ERC2: variants seen among roughly 807,000 people sequenced by gnomAD.
The protein encoded by ERC2 is ELKS/RAB6-interacting/CAST family member 2, also known as ERC protein 2.
A neutral mutation model predicts 114.8 loss-of-function variants in ERC2; 42 were observed. The ratio of observed to expected loss-of-function variants is 0.37; its 90% CI spans 0.29 to 0.47. The LOEUF is 0.47. Among genes scored for constraint, ERC2 ranks in the 20% least tolerant of loss-of-function variants. The probability of loss-of-function intolerance (pLI) is 0.99; values close to 1 mark genes in which losing one functional copy is unlikely to be tolerated. For missense variants in ERC2, 939 were observed against 1,150.7 expected (o/e 0.82, Z 2.66); for synonymous variants, 454 against 425.5 (o/e 1.07, Z -0.82).
In ERC2 at chr3:55,840,180, A is replaced by C. The variant is rs967315564; in HGVS notation, c.2564+48209T>G. 3.3e-5 allele frequency among the ~76,000 whole-genome samples: 5 copies of C among 152,144 alleles called. 1 individual carries two copies. The highest frequency in any genetic ancestry group is 2.1e-4 in the South Asian group (1 of 4,818). ...TATGCTCCTATTAAAAGAGCTTCAA[A>C]ATAAGTAAAGCAGTCCCCACACTAG... On this transcript the variant is annotated intron_variant, in intron 14 of 17. Coordinates refer to ENST00000288221, the MANE Select transcript of ERC2 (RefSeq NM_015576.3).
At chr3:55,936,003 A>G (rs1349895714) in intron 13 of ERC2, among the ~76,000 whole-genome samples, 1 of 152,258 alleles carries the variant, frequency 6.6e-6, no homozygotes, top group Non-Finnish European at 1.5e-5. Flanking sequence ...CTGATTATTC[A>G]GTTATTCATG....
rs552795070 is a variant in ERC2, at chr3:55,546,581, G to C, written c.*40-35305C>G. On this transcript the variant is annotated intron_variant, in intron 17 of 17. Coordinates refer to ENST00000288221, the MANE Select transcript of ERC2 (RefSeq NM_015576.3). Reference sequence around the variant, plus strand: ...TCTCCAAGGCCAAGCACAGTGCCAGGCACTAGAAGCTGTTCAATAATGTGT... The same window carrying C: ...TCTCCAAGGCCAAGCACAGTGCCAGCCACTAGAAGCTGTTCAATAATGTGT... Among the ~76,000 whole-genome samples, 5 of 152,316 alleles carry C rather than the reference G, an allele frequency of 3.3e-5. No individual in the cohort carries two copies. The South Asian group carries it at 1.0e-3, about 32-fold the overall frequency.
At chr3:56,064,855 G>T (rs2076401068) in intron 7 of ERC2, among the ~76,000 whole-genome samples, 1 of 152,200 alleles carries the variant, frequency 6.6e-6, no homozygotes, top group Non-Finnish European at 1.5e-5. Flanking sequence ...AGTTTTATTG[G>T]AACACAGCCA....
rs1416461543 is a variant in ERC2 at position 55,998,437 on chromosome 3, T to C, written c.2062-6187A>G. 2.0e-5 allele frequency among the ~76,000 whole-genome samples: 3 copies of C among 152,110 alleles called. No homozygotes were observed. In the South Asian group the frequency reaches 6.2e-4, roughly 31 times the overall value. Reference sequence around the variant, plus strand: ...AAAACATGTAGCTTCAAATGTTGAGTGTTATTGCAAATATTAGTTGAGTTT... The same window carrying C: ...AAAACATGTAGCTTCAAATGTTGAGCGTTATTGCAAATATTAGTTGAGTTT... On this transcript the variant is annotated intron_variant, in intron 10 of 17. Transcript: ENST00000288221.
intron 2 of ERC2, among the ~76,000 whole-genome samples, chr3:56,363,250 T>C (rs1560674296): frequency 6.6e-6 from 1 of 152,098 alleles, no homozygotes; most frequent in Non-Finnish European, 1.5e-5. Context: ...AAAACAAAAA[T>C]AGATCTGCTG....
chr3:55,977,523 G>T (rs2069688197), intron 12 of ERC2, among the ~76,000 whole-genome samples: 1 of 152,116 alleles, frequency 6.6e-6, no homozygotes, highest in Admixed American at 6.5e-5. Context: ...AATCAAAACT[G>T]CACTTAAGGG....
chr3:55,767,755 T>C (rs147154730), intron 14 of ERC2, among the ~76,000 whole-genome samples: 2 of 152,320 alleles, frequency 1.3e-5, no homozygotes, highest in East Asian at 1.9e-4. Flanking sequence ...TGATGTCTGA[T>C]GTAGACATGA....
At chr3:55,950,368 T>G in intron 13 of ERC2, 57 bp downstream of exon 13, 1 of 1,598,658 alleles carries the variant, frequency 6.3e-7, no homozygotes, top group South Asian at 1.1e-5. Context: ...ATGGTGACAT[T>G]TCTGAGAGAG....
At chr3:56,109,536 G>GT (rs1331816541) in intron 6 of ERC2, among the ~76,000 whole-genome samples, 3 of 152,094 alleles carry the variant, frequency 2.0e-5, no homozygotes, top group Non-Finnish European at 2.9e-5. Flanking sequence ...TATCAAGGAA[G>GT]TTTTTTTCCA....
intron 2 of ERC2, among the ~76,000 whole-genome samples, chr3:56,353,691 G>T (rs183952369): frequency 0.021 from 3,196 of 149,404 alleles, 37 homozygotes; most frequent in South Asian, 0.063. Flanking sequence ...GCATTAGGAG[G>T]TATACCTAAT....
chr3:55,625,019 A>G (rs1181330585), intron 17 of ERC2, among the ~76,000 whole-genome samples: 5 of 152,198 alleles, frequency 3.3e-5, no homozygotes, highest in Non-Finnish European at 7.4e-5. Flanking sequence ...CCATCTCTCC[A>G]TGGAAACCAA....
intron 2 of ERC2, among the ~76,000 whole-genome samples, chr3:56,418,573 A>T (rs1381387524): frequency 2.0e-5 from 3 of 152,212 alleles, no homozygotes; most frequent in African/African-American, 7.2e-5. Context: ...ACATATAATA[A>T]TAACAGTACC....
At chr3:55,684,269 C>G (rs1174141212) in intron 16 of ERC2, among the ~76,000 whole-genome samples, 2 of 152,096 alleles carry the variant, frequency 1.3e-5, no homozygotes, top group East Asian at 3.9e-4. Flanking sequence ...CTTAATTTCT[C>G]TTAAGCTTAA....
At chr3:55,689,936 C>T (rs542150694) in intron 16 of ERC2, among the ~76,000 whole-genome samples, 6 of 152,094 alleles carry the variant, frequency 3.9e-5, no homozygotes, top group African/African-American at 1.4e-4. Flanking sequence ...CAGACTTAGA[C>T]CAATATAACT....
chr3:56,275,897 A>G (rs2053957604), intron 3 of ERC2, among the ~76,000 whole-genome samples: 1 of 152,216 alleles, frequency 6.6e-6, no homozygotes, highest in Admixed American at 6.5e-5. Context: ...AATGTCCTAC[A>G]TGAGGACAAG....
At chr3:56,011,277 G>T (rs927309011) in intron 8 of ERC2, among the ~76,000 whole-genome samples, 4 of 152,106 alleles carry the variant, frequency 2.6e-5, no homozygotes, top group African/African-American at 9.7e-5. Context: ...TTTATTGAGG[G>T]CTTACTACAT....
At chr3:56,307,828 GCACACACACACACACACACACACACA>G (rs10576433) in intron 2 of ERC2, among the ~76,000 whole-genome samples, 1 of 147,656 alleles carries the variant, frequency 6.8e-6, no homozygotes, top group Admixed American at 6.8e-5. Flanking sequence ...ACACACACTT[GCACACACACACACACACACACACACA>G]CACACACAGA....
At chr3:56,212,000 T>C (rs1039864047) in intron 3 of ERC2, among the ~76,000 whole-genome samples, 5 of 152,070 alleles carry the variant, frequency 3.3e-5, no homozygotes, top group Admixed American at 1.3e-4. Context: ...TTCTAGAAGA[T>C]AACATTGGAA....
intron 14 of ERC2, among the ~76,000 whole-genome samples, chr3:55,767,884 T>C (rs1042112277): frequency 6.6e-6 from 1 of 152,216 alleles, no homozygotes; most frequent in Non-Finnish European, 1.5e-5. Context: ...TTTGGATTTG[T>C]GTCCCTGCCC....
Sources: gnomAD v4.1 joint callset for allele counts (sites outside exome capture counted in the v4.1 genomes callset) on GRCh38, gnomAD v4.1.1 for gene constraint, MANE v1.5 for transcripts, NCBI Gene and HGNC (gene_info 2026-07-23, HGNC 2026-07-21) for gene names.